PAWR: variants seen among roughly 807,000 people sequenced by gnomAD.
The protein encoded by PAWR is PRKC apoptosis WT1 regulator protein.
Under a neutral mutation model 32.0 loss-of-function variants are expected in PAWR, and 23 were observed. The observed-to-expected ratio is 0.72, with a 90% CI of 0.52 to 1.02. The LOEUF is 1.02. PAWR is among the 50% of genes least tolerant of loss of function. The pLI is 0.00. For synonymous variants in PAWR, 226 were observed against 187.1 expected (o/e 1.21, Z -1.70); for missense variants, 457 against 437.7 (o/e 1.04, Z -0.39).
At chr12:79,625,936 A>G (rs1212546007) in intron 2 of PAWR, among the ~76,000 whole-genome samples, 1 of 151,754 alleles carries the variant, frequency 6.6e-6, no homozygotes, top group African/African-American at 2.4e-5. Context: ...AGTCCGAGGC[A>G]GGCGGATCAT....
chr12:79,618,875 C>CT (rs1284246220), intron 3 of PAWR, among the ~76,000 whole-genome samples: 3 of 151,748 alleles, frequency 2.0e-5, no homozygotes, highest in Non-Finnish European at 4.4e-5. Flanking sequence ...TTATTTGGCA[C>CT]TTTAATAATT....
intron 2 of PAWR, among the ~76,000 whole-genome samples, chr12:79,639,795 A>G (rs537025367): frequency 7.3e-6 from 1 of 136,886 alleles, no homozygotes; most frequent in East Asian, 1.9e-4. Flanking sequence ...AAGTAAATGA[A>G]TGAGATTTCC....
At chr12:79,659,409 A>G (rs1877245691) in intron 2 of PAWR, among the ~76,000 whole-genome samples, 2 of 152,192 alleles carry the variant, frequency 1.3e-5, no homozygotes, top group African/African-American at 4.8e-5. Context: ...AAATCTAATC[A>G]TATACTTTAA....
intron 3 of PAWR, among the ~76,000 whole-genome samples, chr12:79,618,660 T>C (rs1566004620): frequency 6.6e-6 from 1 of 152,184 alleles, no homozygotes; most frequent in Non-Finnish European, 1.5e-5. Flanking sequence ...GGATTCCACA[T>C]ATAAGTGAGA....
intron 2 of PAWR, among the ~76,000 whole-genome samples, chr12:79,680,871 A>C (rs1428611808): frequency 6.6e-6 from 1 of 151,834 alleles, no homozygotes; most frequent in African/African-American, 2.4e-5. Flanking sequence ...AATCCCAACA[A>C]CACTTTGAGA....
At chr12:79,625,990 C>A (rs1331173899) in intron 2 of PAWR, among the ~76,000 whole-genome samples, 1 of 149,456 alleles carries the variant, frequency 6.7e-6, no homozygotes, top group Non-Finnish European at 1.5e-5. Flanking sequence ...CAGTGAAACC[C>A]CATCTCTACT....
chr12:79,650,631 C>T (rs111625003), intron 2 of PAWR, among the ~76,000 whole-genome samples: 1,666 of 149,388 alleles, frequency 0.011, 39 homozygotes, highest in African/African-American at 0.038. Flanking sequence ...CAAAATCTAT[C>T]GGTCACAGAC....
intron 2 of PAWR, among the ~76,000 whole-genome samples, chr12:79,662,495 C>A (rs1209502493): frequency 6.6e-6 from 1 of 152,170 alleles, no homozygotes; most frequent in Non-Finnish European, 1.5e-5. Flanking sequence ...ATGAGGAAAT[C>A]TAGATATCCT....
intron 3 of PAWR, among the ~76,000 whole-genome samples, chr12:79,615,469 C>T (rs547428924): frequency 2.0e-5 from 3 of 152,284 alleles, no homozygotes; most frequent in Non-Finnish European, 2.9e-5. Flanking sequence ...CCCATAAACA[C>T]GCTTAGTTCT....
At chr12:79,676,120 C>T (rs1878152949) in intron 2 of PAWR, among the ~76,000 whole-genome samples, 2 of 151,930 alleles carry the variant, frequency 1.3e-5, no homozygotes, top group Non-Finnish European at 2.9e-5. Flanking sequence ...TTGCTTTCCT[C>T]ACCTGTAAAA....
chr12:79,613,266 T>A (rs908791680), intron 4 of PAWR, among the ~76,000 whole-genome samples: 1 of 152,206 alleles, frequency 6.6e-6, no homozygotes, highest in African/African-American at 2.4e-5. Flanking sequence ...CTGAGCTAAC[T>A]AATACAGATG....
At chr12:79,632,347 A>ATT (rs1875730910) in intron 2 of PAWR, among the ~76,000 whole-genome samples, 1 of 49,584 alleles carries the variant, frequency 2.0e-5, no homozygotes, top group Non-Finnish European at 2.9e-5. Context: ...ATATATATAT[A>ATT]TATATATATA....
chr12:79,664,462 C>T (rs912340821), intron 2 of PAWR, among the ~76,000 whole-genome samples: 1 of 152,190 alleles, frequency 6.6e-6, no homozygotes, highest in Non-Finnish European at 1.5e-5. Context: ...AACTTTAATA[C>T]CAAGTTTTTA....
chr12:79,683,595 G>A (rs537130550), intron 2 of PAWR, among the ~76,000 whole-genome samples: 61 of 151,300 alleles, frequency 4.0e-4, no homozygotes, highest in Admixed American at 3.1e-3. Flanking sequence ...GTGGTAAGCA[G>A]TGGAAACTCC....
chr12:79,632,206 C>T (rs1447358081), intron 2 of PAWR: 1 of 141,030 alleles, frequency 7.1e-6, no homozygotes, highest in Non-Finnish European at 1.5e-5. Flanking sequence ...GATTTCAATA[C>T]TTATAAAGTG....
intron 4 of PAWR, among the ~76,000 whole-genome samples, chr12:79,611,216 T>C (rs1285659269): frequency 2.7e-5 from 4 of 146,468 alleles, no homozygotes; most frequent in Non-Finnish European, 6.0e-5. Context: ...ATAAAACTTA[T>C]AGATATTTAT....
chr12:79,602,323 C>T (rs1342806606), intron 4 of PAWR, among the ~76,000 whole-genome samples: 2 of 152,146 alleles, frequency 1.3e-5, no homozygotes, highest in African/African-American at 4.8e-5. Flanking sequence ...TATATCACCC[C>T]CCTTTGGAGA....
At chr12:79,623,612 G>A (rs758877619) in intron 2 of PAWR, among the ~76,000 whole-genome samples, 2 of 146,204 alleles carry the variant, frequency 1.4e-5, no homozygotes, top group East Asian at 2.0e-4. Flanking sequence ...AAAACAGTAC[G>A]TGCATGAAAA....
Position 79,682,030 on chromosome 12 carries a change from C to T in PAWR, c.516+7699G>A, listed in dbSNP as rs2136884156. Among the ~76,000 whole-genome samples the T allele has an allele frequency of 1.3e-5, 2 of 152,208 alleles. 1 individual carries two copies. Among genetic ancestry groups the T allele is most frequent in the South Asian group, 4.1e-4 (2 of 4,820 alleles). ...ATATTAAGTAGTTTGCTTACATGAC[C>T]ATAGATAAGCTTAGTCTGAAAGATG... On this transcript the variant is annotated intron_variant, in intron 2 of 6. Transcript: ENST00000328827.
Sources: gnomAD v4.1 joint callset for allele counts (sites outside exome capture counted in the v4.1 genomes callset) on GRCh38, gnomAD v4.1.1 for gene constraint, MANE v1.5 for transcripts, NCBI Gene and HGNC (gene_info 2026-07-23, HGNC 2026-07-21) for gene names.